SETBP1: variants seen among roughly 807,000 people sequenced by gnomAD.
The protein encoded by SETBP1 is SET-binding protein.
A neutral mutation model predicts 101.0 loss-of-function variants in SETBP1; 9 were observed. That is an observed-to-expected ratio of 0.09 (90% CI 0.05 to 0.16). The LOEUF (loss-of-function observed/expected upper bound fraction) is 0.16. Among genes scored for constraint, SETBP1 ranks in the 10% least tolerant of loss-of-function variants. SETBP1 has a pLI of 1.00. For synonymous variants in SETBP1, 818 were observed against 788.5 expected (o/e 1.04, Z -0.63); for missense variants, 1,858 against 2,033.8 (o/e 0.91, Z 1.66).
chr18:44,863,361 T>C (rs1016765921), intron 2 of SETBP1, among the ~76,000 whole-genome samples: 3 of 152,232 alleles, frequency 2.0e-5, no homozygotes, highest in African/African-American at 7.2e-5. Context: ...GTAAGTCACT[T>C]TATCTTTCTG....
In SETBP1 at chr18:44,788,073, G is replaced by A. The variant is rs959894312; in HGVS notation, c.487-81157G>A. 4.0e-5 allele frequency among the ~76,000 whole-genome samples: 6 copies of A among 151,074 alleles called. No individual in the cohort carries two copies. The East Asian group carries it at 9.7e-4, about 24-fold the overall frequency. On this transcript the variant is annotated intron_variant, in intron 2 of 5. Transcript: ENST00000649279. ...TCAAAGATAAAATGTGGCACCGGAA[G>A]GTAATGTCCCAGATGTTAGGTGGAA... is the stretch of plus-strand genomic sequence containing the variant.
chr18:44,715,309 G>A (rs1416114796), intron 2 of SETBP1, among the ~76,000 whole-genome samples: 2 of 152,050 alleles, frequency 1.3e-5, no homozygotes, highest in Non-Finnish European at 2.9e-5. Context: ...GCAGGTCACA[G>A]CGGCAGTGAG....
chr18:44,768,768 T>C (rs960996745), intron 2 of SETBP1, among the ~76,000 whole-genome samples: 2 of 152,236 alleles, frequency 1.3e-5, no homozygotes, highest in African/African-American at 2.4e-5. Context: ...TCTGTTTCAC[T>C]AAAGACTTTG....
intron 3 of SETBP1, among the ~76,000 whole-genome samples, chr18:44,884,313 A>G (rs1364977364): frequency 6.6e-6 from 1 of 152,206 alleles, no homozygotes; most frequent in African/African-American, 2.4e-5. Flanking sequence ...TTAAGTATGC[A>G]TGTAACGGAC....
At chr18:44,700,831 T>C (rs2069103084) in intron 1 of SETBP1, among the ~76,000 whole-genome samples, 1 of 152,168 alleles carries the variant, frequency 6.6e-6, no homozygotes, top group African/African-American at 2.4e-5. Flanking sequence ...GACTTCCCTT[T>C]CGTCATGATT....
chr18:44,973,639 C>A (rs1035732604), intron 4 of SETBP1, among the ~76,000 whole-genome samples: 1 of 152,026 alleles, frequency 6.6e-6, no homozygotes, highest in Non-Finnish European at 1.5e-5. Flanking sequence ...TTTGAGGGCC[C>A]GATGGCTAGA....
intron 2 of SETBP1, among the ~76,000 whole-genome samples, chr18:44,850,103 G>T (rs769860758): frequency 1.3e-5 from 2 of 152,112 alleles, no homozygotes; most frequent in African/African-American, 4.8e-5. Flanking sequence ...CCACAATGTT[G>T]TCCAAAAGTT....
At chr18:44,719,192 A>C (rs772771382) in intron 2 of SETBP1, among the ~76,000 whole-genome samples, 5 of 152,224 alleles carry the variant, frequency 3.3e-5, no homozygotes, top group Non-Finnish European at 5.9e-5. Context: ...AAAAAGTAGC[A>C]GAGGAAATAG....
intron 4 of SETBP1, among the ~76,000 whole-genome samples, chr18:45,000,438 T>C (rs1212128236): frequency 1.3e-5 from 2 of 152,102 alleles, no homozygotes; most frequent in Non-Finnish European, 1.5e-5. Context: ...CTGAACATGT[T>C]CCTGCCTGGA....
At chr18:44,725,109 C>A in intron 2 of SETBP1, among the ~76,000 whole-genome samples, 1 of 152,074 alleles carries the variant, frequency 6.6e-6, no homozygotes, top group Non-Finnish European at 1.5e-5. Flanking sequence ...CATAGAGTTA[C>A]CATCAGATAA....
intron 2 of SETBP1, among the ~76,000 whole-genome samples, chr18:44,789,093 G>A (rs1349824422): frequency 2.6e-5 from 4 of 152,034 alleles, no homozygotes; most frequent in Non-Finnish European, 4.4e-5. Flanking sequence ...GTGAGCCACC[G>A]CACCCGGCTT....
chr18:44,872,165 A>G (rs1482183207), intron 3 of SETBP1: 4 of 152,186 alleles, frequency 2.6e-5, no homozygotes, highest in Admixed American at 1.3e-4. Context: ...AAGAGCTGAC[A>G]TCTAATTTTC....
rs937896107 is a variant in SETBP1, at chr18:44,950,811, C to T, written c.1471C>T (p.Pro491Ser). 8.7e-6 allele frequency: 14 copies of T among 1,614,054 alleles called. No homozygotes were observed. Among genetic ancestry groups the T allele is most frequent in the Admixed American group, 1.7e-5 (1 of 60,004 alleles). ...ETGGNAEKVI[P>S]GGVSKPRKPP... ...TGGTGGAAATGCTGAGAAAGTTATC[C>T]CAGGAGGTGTGTCTAAGCCGCGGAA... The change falls in exon 4 of 6, where the codon CCA becomes TCA. Residue 491 changes from proline to serine, a missense_variant. Pro to Ser is a moderately conservative substitution (Grantham distance 74, BLOSUM62 -1). This residue lies in a region of SETBP1 where 581 missense variants were observed against 535.1 expected (regional missense o/e 1.09). Transcript: ENST00000649279.
At chr18:45,055,538 T>A (rs2073794300) in intron 5 of SETBP1, among the ~76,000 whole-genome samples, 2 of 152,344 alleles carry the variant, frequency 1.3e-5, no homozygotes, top group African/African-American at 4.8e-5. Context: ...TGAGTTTGTA[T>A]ACTTGTTTTT....
intron 2 of SETBP1, among the ~76,000 whole-genome samples, chr18:44,833,965 A>G (rs2072434101): frequency 6.6e-6 from 1 of 152,250 alleles, no homozygotes; most frequent in African/African-American, 2.4e-5. Context: ...ATAAGAAATG[A>G]TTGAAAATTT....
At chr18:44,985,981 G>A (rs888307182) in intron 4 of SETBP1, 16 of 152,322 alleles carry the variant, frequency 1.1e-4, no homozygotes, top group African/African-American at 3.8e-4. Context: ...TAGTTTTAAA[G>A]TGAGTTAGAA....
intron 2 of SETBP1, among the ~76,000 whole-genome samples, chr18:44,738,915 T>C (rs2070039400): frequency 6.6e-6 from 1 of 152,176 alleles, no homozygotes; most frequent in Non-Finnish European, 1.5e-5. Flanking sequence ...TTTATATTTC[T>C]GGGGGTTAAA....
chr18:44,855,166 T>C (rs927565455), intron 2 of SETBP1, among the ~76,000 whole-genome samples: 1 of 152,234 alleles, frequency 6.6e-6, no homozygotes, highest in Non-Finnish European at 1.5e-5. Flanking sequence ...CTCTCTTCTT[T>C]TATTATAATT....
At chr18:44,860,536 TGAG>T (rs1266371527) in intron 2 of SETBP1, among the ~76,000 whole-genome samples, 1 of 152,046 alleles carries the variant, frequency 6.6e-6, no homozygotes, top group Non-Finnish European at 1.5e-5. Context: ...CACCTGAGGT[TGAG>T]AAGTTCAAGA....
Sources: gnomAD v4.1 joint callset for allele counts (sites outside exome capture counted in the v4.1 genomes callset) on GRCh38, gnomAD v4.1.1 for gene constraint, gnomAD v4.1.1 regional missense constraint, MANE v1.5 for transcripts, NCBI Gene and HGNC (gene_info 2026-07-23, HGNC 2026-07-21) for gene names.